Variants in LPP observed in about 807,000 individuals in gnomAD.
The protein encoded by LPP is lipoma-preferred partner.
Under a neutral mutation model 60.4 loss-of-function variants are expected in LPP, and 38 were observed. That is an observed-to-expected ratio of 0.63 (90% CI 0.49 to 0.83). The LOEUF (loss-of-function observed/expected upper bound fraction) is 0.83, where lower values mean the gene tolerates loss of function less well. Among genes scored for constraint, LPP ranks in the 40% least tolerant of loss-of-function variants. The pLI, the probability that LPP is intolerant of heterozygous loss-of-function variation, is 0.00. For missense variants in LPP, 902 were observed against 783.6 expected (o/e 1.15, Z -1.80); for synonymous variants, 328 against 290.8 (o/e 1.13, Z -1.30).
intron 2 of LPP, among the ~76,000 whole-genome samples, chr3:188,315,059 G>T (rs1441914371): frequency 2.0e-5 from 3 of 148,002 alleles, no homozygotes; most frequent in African/African-American, 7.6e-5. Context: ...GAATGTGTTT[G>T]CTCTTTAAAA....
intron 3 of LPP, among the ~76,000 whole-genome samples, chr3:188,378,758 C>T (rs960067179): frequency 2.0e-5 from 3 of 152,196 alleles, no homozygotes; most frequent in African/African-American, 4.8e-5. Context: ...GAGATGAACC[C>T]GGTACCTCAG....
intron 2 of LPP, among the ~76,000 whole-genome samples, chr3:188,304,541 C>T (rs1750908967): frequency 6.6e-6 from 1 of 152,124 alleles, no homozygotes; most frequent in African/African-American, 2.4e-5. Context: ...TGCTCATATA[C>T]CTCTTGTGTA....
intron 9 of LPP, among the ~76,000 whole-genome samples, chr3:188,777,123 T>C (rs960721327): frequency 2.0e-5 from 3 of 151,674 alleles, no homozygotes; most frequent in Non-Finnish European, 4.4e-5. Context: ...TAAATGCAAG[T>C]ACCCAGAATA....
intron 4 of LPP, among the ~76,000 whole-genome samples, chr3:188,467,152 A>C (rs1800685080): frequency 6.6e-6 from 1 of 151,948 alleles, no homozygotes; most frequent in Non-Finnish European, 1.5e-5. Flanking sequence ...GTTTAGCTGC[A>C]ATCTTAACTC....
intron 8 of LPP, chr3:188,712,572 C>T (rs1006507275): frequency 5.9e-5 from 9 of 152,242 alleles, no homozygotes; most frequent in Admixed American, 1.3e-4. Flanking sequence ...CAGAGTTTTA[C>T]CTTTGGCCTA....
At position 188,886,763 on chromosome 3, in the gene LPP, C is replaced by CACACACAT. The variant is rs1424552348; in HGVS notation, c.*12286_*12287insACACATAC. The CACACACAT allele has an allele frequency of 1.7e-5, 4 of 229,526 alleles. No individual in the cohort carries two copies. The highest frequency in any genetic ancestry group is 3.4e-5 in the Non-Finnish European group (4 of 116,674). The allele number at this position is 229,526 out of a possible 1,614,324, so 14.2% of individuals were successfully genotyped here. A position where few individuals can be genotyped will look rare whatever the true frequency, so the allele number is the denominator to read the frequency against. ...ACACACACACACACACACACACACA[C>CACACACAT]ACCCCTTCCAAGAAAGCTGATCCTT... On this transcript the variant is annotated 3_prime_UTR_variant, in exon 12 of 12. Transcript: ENST00000617246.
rs191422146 is a variant in LPP at position 188,580,606 on chromosome 3, G to A, written c.430-28555G>A. Among the ~76,000 whole-genome samples, 11 of 152,256 alleles carry A rather than the reference G, an allele frequency of 7.2e-5. No individual in the cohort carries two copies. In the South Asian group the frequency reaches 1.2e-3, roughly 17 times the overall value. ...GCAGTATTTGTTGTATTTAGGGTGGGAATCATTATGTAGCAAGAGTGGTCT... is the reference window on the plus strand; with the variant it reads ...GCAGTATTTGTTGTATTTAGGGTGGAAATCATTATGTAGCAAGAGTGGTCT... On this transcript the variant is annotated intron_variant, in intron 6 of 11. Transcript: ENST00000617246.
At chr3:188,273,832 G>A (rs1738709669) in intron 2 of LPP, among the ~76,000 whole-genome samples, 1 of 151,904 alleles carries the variant, frequency 6.6e-6, no homozygotes, top group Admixed American at 6.6e-5. Context: ...TTGACCTCAG[G>A]TGATCCACCT....
intron 4 of LPP, among the ~76,000 whole-genome samples, chr3:188,482,588 C>G (rs1210734679): frequency 1.4e-5 from 2 of 146,698 alleles, no homozygotes; most frequent in African/African-American, 2.5e-5. Flanking sequence ...TCTTCTATCC[C>G]CAAGATTCTG....
rs544204304 is a variant in LPP at position 188,388,119 on chromosome 3, A to T, written c.-9-17993A>T. ...AGATGAGTACTTTCCAATCTTTAGG[A>T]TCCCATTCACAGCAAATCAAAGAGG... On this transcript the variant is annotated intron_variant, in intron 3 of 11. Coordinates refer to ENST00000617246, the MANE Select transcript of LPP (RefSeq NM_001375462.1). Among the ~76,000 whole-genome samples the T allele has an allele frequency of 7.7e-4, 117 of 152,086 alleles. 1 individual carries two copies. In the South Asian group the frequency reaches 0.024, roughly 31 times the overall value.
chr3:188,392,483 G>T (rs1779943064), intron 3 of LPP, among the ~76,000 whole-genome samples: 1 of 152,056 alleles, frequency 6.6e-6, no homozygotes, highest in African/African-American at 2.4e-5. Context: ...CCAAATACAA[G>T]TTTTGCAATG....
chr3:188,342,956 A>T lies in LPP; in HGVS notation c.-10+1237A>T, dbSNP rs1431805981. Among the ~76,000 whole-genome samples the T allele has an allele frequency of 2.6e-5, 4 of 152,100 alleles. No individual in the cohort carries two copies. The East Asian group carries it at 7.7e-4, about 29-fold the overall frequency. On this transcript the variant is annotated intron_variant, in intron 3 of 11. Transcript: ENST00000617246. ...ATTGTTTTTATTTTTATTATTATTT[A>T]TTTATTTTTCAAGTGGAATATAAGC... is the stretch of plus-strand genomic sequence containing the variant.
At chr3:188,451,831 C>T (rs892852666) in intron 4 of LPP, among the ~76,000 whole-genome samples, 1 of 152,162 alleles carries the variant, frequency 6.6e-6, no homozygotes, top group Non-Finnish European at 1.5e-5. Flanking sequence ...GGGAATGTGG[C>T]ATCCTCGAGG....
chr3:188,352,470 T>C lies in LPP; in HGVS notation c.-10+10751T>C, dbSNP rs1242041014. 6.6e-6 allele frequency among the ~76,000 whole-genome samples: 1 copy of C among 152,176 alleles called. No homozygotes were observed. The highest frequency in any genetic ancestry group is 1.9e-4 in the East Asian group (1 of 5,184). On this transcript the variant is annotated intron_variant, in intron 3 of 11. Coordinates refer to ENST00000617246, the MANE Select transcript of LPP (RefSeq NM_001375462.1). The surrounding 1 kb of genome is among the most constrained non-coding windows in gnomAD (Gnocchi z 4.4). ...CACGTCAGTGCCTCTTCGGGAGCTG[T>C]GTGACTGGCGAGCCCTCAGTTGCCA...
At chr3:188,203,478 TATATATATTTTTAAATATATATAA>T (rs1731883420) in intron 1 of LPP, among the ~76,000 whole-genome samples, 1 of 91,084 alleles carries the variant, frequency 1.1e-5, no homozygotes, top group African/African-American at 4.4e-5. Flanking sequence ...TTTTTAAATA[TATATATATTTTTAAATATATATAA>T]ATATATATAT....
chr3:188,799,070 C>T (rs1193925442), intron 9 of LPP, among the ~76,000 whole-genome samples: 1 of 152,196 alleles, frequency 6.6e-6, no homozygotes, highest in Non-Finnish European at 1.5e-5. Context: ...TAAAAATAAT[C>T]CAGAATTAGT....
At chr3:188,408,700 G>T (rs1458393576) in intron 4 of LPP, among the ~76,000 whole-genome samples, 5 of 151,704 alleles carry the variant, frequency 3.3e-5, no homozygotes, top group Admixed American at 1.3e-4. Context: ...TATATGCCAG[G>T]CTCTATGCTT....
At chr3:188,521,286 TAG>T (rs1818793147) in intron 5 of LPP, among the ~76,000 whole-genome samples, 1 of 152,062 alleles carries the variant, frequency 6.6e-6, no homozygotes, top group Non-Finnish European at 1.5e-5. Context: ...AAACTGAAAA[TAG>T]GGAGCAGTCT....
intron 7 of LPP, among the ~76,000 whole-genome samples, chr3:188,649,970 T>C (rs1851779478): frequency 6.6e-6 from 1 of 152,216 alleles, no homozygotes; most frequent in Non-Finnish European, 1.5e-5. Flanking sequence ...TCTATTATTA[T>C]TTAATATTTA....
Sources: allele counts gnomAD v4.1 joint callset (sites outside exome capture counted in the v4.1 genomes callset), GRCh38; gene constraint gnomAD v4.1.1; non-coding constraint Gnocchi (gnomAD v3.1); transcripts MANE v1.5; gene names NCBI Gene and HGNC (gene_info 2026-07-23, HGNC 2026-07-21).